Variants in DPP10 observed in about 807,000 individuals in gnomAD.
DPP10 encodes the protein dipeptidyl peptidase like 10.
Under a neutral mutation model 120.9 loss-of-function variants are expected in DPP10, and 33 were observed. The ratio of observed to expected loss-of-function variants is 0.27; its 90% confidence interval spans 0.21 to 0.37. The LOEUF (loss-of-function observed/expected upper bound fraction) is 0.37, where lower values mean the gene tolerates loss of function less well. Among genes scored for constraint, DPP10 ranks in the 10% least tolerant of loss-of-function variants. The pLI, the probability that DPP10 is intolerant of heterozygous loss-of-function variation, is 1.00. For synonymous variants in DPP10, 337 were observed against 326.1 expected, an observed-to-expected ratio of 1.03 and a Z score of -0.36; for missense variants, 816 against 942.8, an observed-to-expected ratio of 0.87 and a Z score of 1.76.
At chr2:115,643,132 A>T (rs1163129679) in intron 5 of DPP10, among the ~76,000 whole-genome samples, 1 of 131,054 alleles carries the variant, frequency 7.6e-6, no homozygotes, top group Non-Finnish European at 1.8e-5. Flanking sequence ...CTCTAGAAAT[A>T]AAAAAAAAAA....
intron 1 of DPP10, among the ~76,000 whole-genome samples, chr2:115,293,073 G>A (rs1157946655): frequency 6.6e-6 from 1 of 152,050 alleles, no homozygotes; most frequent in Non-Finnish European, 1.5e-5. Context: ...TCCATCTCTA[G>A]GGTACAGATT....
intron 1 of DPP10, among the ~76,000 whole-genome samples, chr2:114,851,654 G>A (rs1232257028): frequency 6.6e-6 from 1 of 151,886 alleles, no homozygotes; most frequent in Non-Finnish European, 1.5e-5. Context: ...ACAACTATTG[G>A]GCTTAGTAAC....
At chr2:115,215,100 T>C (rs1250356237) in intron 1 of DPP10, among the ~76,000 whole-genome samples, 1 of 152,224 alleles carries the variant, frequency 6.6e-6, no homozygotes, top group African/African-American at 2.4e-5. Flanking sequence ...GTGACATACC[T>C]ATATGGTAAT....
At chr2:115,077,658 A>C (rs1707912655) in intron 1 of DPP10, among the ~76,000 whole-genome samples, 1 of 152,206 alleles carries the variant, frequency 6.6e-6, no homozygotes, top group Non-Finnish European at 1.5e-5. Flanking sequence ...TTCACCTTTA[A>C]CTTCTTTTTC....
intron 1 of DPP10, among the ~76,000 whole-genome samples, chr2:114,689,351 C>T (rs555347760): frequency 7.9e-5 from 12 of 151,858 alleles, no homozygotes; most frequent in Non-Finnish European, 1.8e-4. Flanking sequence ...CCTGTTCCTG[C>T]ATTAGTTTGC....
chr2:115,000,689 C>T lies in DPP10; in HGVS notation c.61-308550C>T, dbSNP rs150456179. Among the ~76,000 whole-genome samples, 463 of 152,202 alleles carry T rather than the reference C, an allele frequency of 3.0e-3. 2 individuals carry two copies. Among genetic ancestry groups the T allele is most frequent in the African/African-American group, 0.01 (436 of 41,546 alleles). On this transcript the variant is annotated intron_variant, in intron 1 of 25. Transcript: ENST00000410059. ...ATATACTACTATAATAGTTCTTAAA[C>T]ATACAATAGCGCTATAAAACAGTAT... is the stretch of plus-strand genomic sequence containing the variant.
intron 15 of DPP10, among the ~76,000 whole-genome samples, chr2:115,779,695 G>A (rs963093109): frequency 3.3e-5 from 5 of 151,948 alleles, no homozygotes; most frequent in African/African-American, 7.2e-5. Flanking sequence ...GTACAATGTT[G>A]TGAATGTAAT....
In DPP10 at chr2:115,044,662, C is replaced by A. The variant is rs187107736; in HGVS notation, c.61-264577C>A. On this transcript the variant is annotated intron_variant, in intron 1 of 25. Transcript: ENST00000410059. ...TGAGATTTTGGGGAGAACACAGATC[C>A]AAACCATATCAACCTGTTATACTAT... is the stretch of plus-strand genomic sequence containing the variant. Among the ~76,000 whole-genome samples the A allele has an allele frequency of 1.8e-3, 275 of 152,186 alleles. 1 individual carries two copies. Among genetic ancestry groups the A allele is most frequent in the African/African-American group, 6.3e-3 (263 of 41,520 alleles).
At chr2:115,623,080 C>T (rs758840118) in intron 5 of DPP10, among the ~76,000 whole-genome samples, 10 of 152,110 alleles carry the variant, frequency 6.6e-5, no homozygotes, top group Admixed American at 5.2e-4. Flanking sequence ...CTCCTGACCT[C>T]GTGATCCGCC....
intron 3 of DPP10, among the ~76,000 whole-genome samples, chr2:115,361,370 C>A (rs1391149102): frequency 6.6e-6 from 1 of 152,140 alleles, no homozygotes; most frequent in Non-Finnish European, 1.5e-5. Flanking sequence ...CAATTCCAGA[C>A]TAATGGCGAG....
chr2:114,687,110 A>G (rs1215364520), intron 1 of DPP10, among the ~76,000 whole-genome samples: 2 of 151,992 alleles, frequency 1.3e-5, no homozygotes, highest in African/African-American at 4.8e-5. Flanking sequence ...ATCCCCATAT[A>G]TCTGTTACTG....
chr2:114,783,027 A>T (rs1682465951), intron 1 of DPP10, among the ~76,000 whole-genome samples: 1 of 152,200 alleles, frequency 6.6e-6, no homozygotes, highest in Non-Finnish European at 1.5e-5. Context: ...CATTATCTTT[A>T]TAAGGAAAAT....
In DPP10 at chr2:115,836,182, T is replaced by C. The variant is rs145011952; in HGVS notation, c.1976T>C (p.Met659Thr). Residue 659 changes from methionine to threonine, a missense_variant, in exon 22 of 26, where the codon ATG becomes ACG. By Grantham distance (81) the Met-to-Thr change is moderately conservative. Coordinates refer to ENST00000410059, the MANE Select transcript of DPP10 (RefSeq NM_020868.6). ...GKGYGGYIAS[M>T]ILKSDEKLFK... ...GGTTATGGTGGCTATATTGCATCAATGATCTTAAAATCAGATGAAAAGCTT... is the reference window on the plus strand; with the variant it reads ...GGTTATGGTGGCTATATTGCATCAACGATCTTAAAATCAGATGAAAAGCTT... 8.1e-6 allele frequency: 13 copies of C among 1,603,296 alleles called. No homozygotes were observed. The African/African-American group carries it at 1.2e-4, about 15-fold the overall frequency.
At chr2:115,078,765 TAA>T (rs1199582883) in intron 1 of DPP10, among the ~76,000 whole-genome samples, 4 of 152,090 alleles carry the variant, frequency 2.6e-5, no homozygotes, top group Non-Finnish European at 5.9e-5. Flanking sequence ...AACTTGATTT[TAA>T]AAAGTTTCTT....
At chr2:114,932,408 C>T (rs1314305769) in intron 1 of DPP10, among the ~76,000 whole-genome samples, 3 of 152,084 alleles carry the variant, frequency 2.0e-5, no homozygotes, top group Non-Finnish European at 4.4e-5. Context: ...TGAAATAACC[C>T]AAATATACAT....
At chr2:114,814,736 G>C (rs1389149071) in intron 1 of DPP10, among the ~76,000 whole-genome samples, 1 of 152,108 alleles carries the variant, frequency 6.6e-6, no homozygotes, top group African/African-American at 2.4e-5. Flanking sequence ...ATTGTGTCAA[G>C]AACAGGGAAT....
intron 1 of DPP10, among the ~76,000 whole-genome samples, chr2:115,153,083 A>T (rs2051670407): frequency 6.6e-6 from 1 of 152,174 alleles, no homozygotes; most frequent in Non-Finnish European, 1.5e-5. Context: ...ATCTTTTATA[A>T]TGGGGAGTAA....
At chr2:115,659,407 A>G (rs2088699560) in intron 5 of DPP10, among the ~76,000 whole-genome samples, 1 of 152,144 alleles carries the variant, frequency 6.6e-6, no homozygotes, top group African/African-American at 2.4e-5. Flanking sequence ...AAGTGACCAA[A>G]AAAAAAAGTT....
At chr2:114,914,940 G>A (rs1254567186) in intron 1 of DPP10, among the ~76,000 whole-genome samples, 1 of 152,056 alleles carries the variant, frequency 6.6e-6, no homozygotes, top group African/African-American at 2.4e-5. Context: ...GACCATCCCG[G>A]CTAAAACGGT....
Sources: allele counts gnomAD v4.1 joint callset (sites outside exome capture counted in the v4.1 genomes callset), GRCh38; gene constraint gnomAD v4.1.1; transcripts MANE v1.5; gene names NCBI Gene and HGNC (gene_info 2026-07-23, HGNC 2026-07-21).